The following MKNK1 variants were observed in gnomAD, a reference collection of about 807,000 sequenced individuals.
The protein encoded by MKNK1 is MAPK interacting serine/threonine kinase 1, also known as MAP kinase-interacting serine/threonine-protein kinase 1.
In MKNK1, 30 loss-of-function variants were observed where a neutral mutation model predicts 49.3. The observed-to-expected ratio is 0.61, with a 90% CI of 0.46 to 0.83. The LOEUF is 0.83. Ranked by LOEUF, MKNK1 falls within the 40% of genes least tolerant of loss-of-function variation. The probability of loss-of-function intolerance (pLI) is 0.00; values close to 1 mark genes in which losing one functional copy is unlikely to be tolerated. For synonymous variants in MKNK1, 176 were observed against 201.7 expected (o/e 0.87, Z 1.08); for missense variants, 423 against 524.7 (o/e 0.81, Z 1.89).
intron 2 of MKNK1, among the ~76,000 whole-genome samples, chr1:46,592,200 G>A (rs1385847184): frequency 1.3e-5 from 2 of 152,178 alleles, no homozygotes; most frequent in Non-Finnish European, 2.9e-5. Flanking sequence ...AGGTCATGCT[G>A]TTGTAGTCCA....
At position 46,584,203 on chromosome 1, in the gene MKNK1, C is replaced by T. The variant is rs1368549520; in HGVS notation, c.-2-874G>A. On this transcript the variant is annotated intron_variant, in intron 2 of 12. Transcript: ENST00000371945. ...GAAAAGGAGGAACAGTGAACCAGTGCCCAATCACAGTCCTGTTTCTAAGAC... is the reference window on the plus strand; with the variant it reads ...GAAAAGGAGGAACAGTGAACCAGTGTCCAATCACAGTCCTGTTTCTAAGAC... Among the ~76,000 whole-genome samples, 6 of 152,314 alleles carry T rather than the reference C, an allele frequency of 3.9e-5. No individual in the cohort carries two copies. In the East Asian group the frequency reaches 1.2e-3, roughly 29 times the overall value.
chr1:46,568,054 C>T (rs1333849244), intron 8 of MKNK1, among the ~76,000 whole-genome samples: 3 of 150,662 alleles, frequency 2.0e-5, no homozygotes, highest in South Asian at 2.1e-4. Flanking sequence ...CCTGGGAAGT[C>T]GAGGCTGCAG....
At chr1:46,580,471 A>G in intron 4 of MKNK1, 59 bp downstream of exon 4, 4 of 1,162,060 alleles carry the variant, frequency 3.4e-6, no homozygotes, top group Non-Finnish European at 5.2e-6. Context: ...ATTTGGTTCA[A>G]GATGAGCTAG....
intron 8 of MKNK1, chr1:46,565,421 C>A (rs1305481803): frequency 1.2e-5 from 5 of 431,356 alleles, no homozygotes; most frequent in Middle Eastern, 6.8e-4. Flanking sequence ...CTCTTGCTGG[C>A]AAATGATGGT....
At chr1:46,562,965 T>G in intron 9 of MKNK1, 122 bp from the exon 10 acceptor site, 1 of 850,464 alleles carries the variant, frequency 1.2e-6, no homozygotes, top group Non-Finnish European at 1.8e-6. Flanking sequence ...AAGGATGAGA[T>G]ACAGATCAGG....
intron 1 of MKNK1, among the ~76,000 whole-genome samples, chr1:46,599,090 G>A (rs2148776487): frequency 6.6e-6 from 1 of 152,228 alleles, no homozygotes; most frequent in African/African-American, 2.4e-5. Flanking sequence ...CTTCTGATAT[G>A]GCTTCCCCAG....
intron 4 of MKNK1, chr1:46,580,291 C>G (rs373471529): frequency 6.3e-6 from 3 of 478,318 alleles, no homozygotes; most frequent in East Asian, 7.5e-5. Flanking sequence ...TTATTTAATC[C>G]TCACAACAAT....
Position 46,576,646 on chromosome 1 carries a change from C to A in MKNK1, c.207G>T (p.Glu69Asp), listed in dbSNP as rs754553643. 1.2e-6 allele frequency: 2 copies of A among 1,614,142 alleles called. No individual in the cohort carries two copies. Among genetic ancestry groups the A allele is most frequent in the South Asian group, 2.2e-5 (2 of 91,082 alleles). Residue 69 changes from glutamate (E) to aspartate (D), a missense_variant, in exon 5 of 13, where the codon GAG (glutamate) becomes GAT (aspartate). Glu to Asp is a conservative substitution (Grantham distance 45). Transcript: ENST00000371945. Reference sequence around the variant, plus strand: ...TACTCCGACTGTGCCCTGCTTGTTTCTCGATGATCTGTGGGAAGAATAAAA... The same window carrying A: ...TACTCCGACTGTGCCCTGCTTGTTTATCGATGATCTGTGGGAAGAATAAAA... The part of the protein sequence containing the change: ...NGKEYAVKII[E>D]KQAGHSRSRV...
chr1:46,561,093 T>A (rs1450479612), intron 11 of MKNK1, among the ~76,000 whole-genome samples: 1 of 152,226 alleles, frequency 6.6e-6, no homozygotes, highest in Admixed American at 6.5e-5. Flanking sequence ...GTGCCCCAAC[T>A]CGGCCACACA....
intron 8 of MKNK1, chr1:46,568,213 A>G (rs541242288): frequency 3.9e-4 from 203 of 514,088 alleles, no homozygotes; most frequent in South Asian, 6.9e-4. Context: ...CAGGTCTCAT[A>G]TATTTTCCAA....
chr1:46,567,708 A>ACC (rs1308200315), intron 8 of MKNK1, among the ~76,000 whole-genome samples: 1 of 152,232 alleles, frequency 6.6e-6, no homozygotes, highest in East Asian at 1.9e-4. Context: ...ACATGTATAT[A>ACC]CACGCAGAGC....
At chr1:46,585,889 T>C (rs1672492207) in intron 2 of MKNK1, 1 of 1,356,264 alleles carries the variant, frequency 7.4e-7, no homozygotes, top group Non-Finnish European at 9.9e-7. Flanking sequence ...ATATTCTGCA[T>C]GGATTTCAAT....
intron 1 of MKNK1, among the ~76,000 whole-genome samples, chr1:46,595,244 C>T (rs533725478): frequency 6.6e-6 from 1 of 151,492 alleles, no homozygotes; most frequent in African/African-American, 2.4e-5. Flanking sequence ...TGTCAACTTC[C>T]CTATGAAATA....
intron 11 of MKNK1, among the ~76,000 whole-genome samples, chr1:46,561,139 T>G (rs910879721): frequency 6.6e-6 from 1 of 152,214 alleles, no homozygotes; most frequent in African/African-American, 2.4e-5. Flanking sequence ...CACTTCTGGG[T>G]GTCCTCAGCT....
At chr1:46,573,174 G>A (rs1331749907) in intron 6 of MKNK1, among the ~76,000 whole-genome samples, 3 of 152,202 alleles carry the variant, frequency 2.0e-5, no homozygotes, top group Non-Finnish European at 4.4e-5. Flanking sequence ...ACCAGTAAGG[G>A]GTGAGGCCAG....
At chr1:46,593,733 G>C (rs1390677211) in intron 2 of MKNK1, 1 of 158,570 alleles carries the variant, frequency 6.3e-6, no homozygotes, top group Non-Finnish European at 1.4e-5. Context: ...GTGCACGCCT[G>C]TAATCCCAGC....
intron 4 of MKNK1, 92 bp downstream of exon 4, chr1:46,580,438 C>T: frequency 1.1e-6 from 1 of 896,610 alleles, no homozygotes; most frequent in East Asian, 2.5e-5. Context: ...TCAGAGTCCC[C>T]ATTCTTATGG....
intron 2 of MKNK1, chr1:46,585,994 G>C: frequency 8.4e-7 from 1 of 1,190,310 alleles, no homozygotes; most frequent in South Asian, 1.2e-5. Context: ...AAAAAATGTA[G>C]GAAGATGGGT....
intron 11 of MKNK1, 146 bp from the exon 12 acceptor site, chr1:46,560,423 C>A: frequency 1.2e-6 from 1 of 823,804 alleles, no homozygotes; most frequent in Admixed American, 2.1e-5. Flanking sequence ...GTCAGGCCTT[C>A]CAAGCAGAGA....
Sources: gnomAD v4.1 joint callset for allele counts (sites outside exome capture counted in the v4.1 genomes callset) on GRCh38, gnomAD v4.1.1 for gene constraint, MANE v1.5 for transcripts, NCBI Gene and HGNC (gene_info 2026-07-23, HGNC 2026-07-21) for gene names.